UTS2B: variants seen among roughly 807,000 people sequenced by gnomAD.
UTS2B encodes the protein urotensin-2B.
A neutral mutation model predicts 19.2 loss-of-function variants in UTS2B; 21 were observed. The observed-to-expected ratio is 1.09, with a 90% CI of 0.78 to 1.58. The LOEUF (loss-of-function observed/expected upper bound fraction) is 1.58, where lower values mean the gene tolerates loss of function less well. UTS2B is among the 40% of genes most tolerant of loss of function. The pLI is 0.00. For synonymous variants in UTS2B, 57 were observed against 50.2 expected (o/e 1.14, Z -0.58); for missense variants, 138 against 130.3 (o/e 1.06, Z -0.29).
upstream of UTS2B, among the ~76,000 whole-genome samples, chr3:191,330,866 T>C (rs566544328): frequency 2.6e-5 from 4 of 152,298 alleles, no homozygotes; most frequent in East Asian, 7.7e-4. Context: ...TCACTGATTT[T>C]ATGTAGAATT....
chr3:191,272,678 T>C (rs756451707), intron 8 of UTS2B, among the ~76,000 whole-genome samples: 1 of 151,712 alleles, frequency 6.6e-6, no homozygotes, highest in Non-Finnish European at 1.5e-5. Context: ...CTGGCCAATA[T>C]GGTGAAACCT....
intron 4 of UTS2B, among the ~76,000 whole-genome samples, chr3:191,291,529 T>G (rs1210860063): frequency 6.6e-6 from 1 of 152,092 alleles, no homozygotes; most frequent in Non-Finnish European, 1.5e-5. Context: ...CTCGGCTCAC[T>G]GCAAGCTCCA....
At chr3:191,281,658 T>C (rs1028295636) in intron 5 of UTS2B, among the ~76,000 whole-genome samples, 1 of 54,606 alleles carries the variant, frequency 1.8e-5, no homozygotes, top group South Asian at 6.7e-4. Flanking sequence ...GTATTTTTCA[T>C]TGTTGTACTC....
chr3:191,288,262 T>C (rs1716611036), intron 4 of UTS2B, among the ~76,000 whole-genome samples: 1 of 152,076 alleles, frequency 6.6e-6, no homozygotes, highest in Admixed American at 6.5e-5. Context: ...TGTACAGAAA[T>C]AGAAATAAAA....
rs530173086 is a variant in UTS2B at position 191,329,951 on chromosome 3, G to T, written c.-665+463C>A. On this transcript the variant is annotated intron_variant, in intron 1 of 8. Transcript: ENST00000340524. ...TTCTCAAGGGGGTGGTTGGGGGGGG[G>T]GGGGGCTAGCAGCAGCCCCAGCAAG... is the stretch of plus-strand genomic sequence containing the variant. Among the ~76,000 whole-genome samples, 30 of 137,316 alleles carry T rather than the reference G, an allele frequency of 2.2e-4. No homozygotes were observed. In the Middle Eastern group the frequency reaches 0.011, roughly 51 times the overall value. 90.1% of individuals were successfully genotyped at this position (137,316 alleles called of 152,430 possible).
At position 191,299,787 on chromosome 3, in the gene UTS2B, C is replaced by T. The variant is rs565419811; in HGVS notation, c.-125+4705G>A. On this transcript the variant is annotated intron_variant, in intron 4 of 8. Transcript: ENST00000340524. Reference sequence around the variant, plus strand: ...AGATACACCAACAACTTGTGCCCTGCACCTGGAAGAGCCACAAGAAATCAA... The same window carrying T: ...AGATACACCAACAACTTGTGCCCTGTACCTGGAAGAGCCACAAGAAATCAA... Among the ~76,000 whole-genome samples, 17 of 152,348 alleles carry T rather than the reference C, an allele frequency of 1.1e-4. No individual in the cohort carries two copies. The South Asian group carries it at 3.3e-3, about 30-fold the overall frequency.
rs144042055 is a variant in UTS2B, at chr3:191,276,855, C to T, written c.203-11G>A. On this transcript the variant is annotated splice_polypyrimidine_tract_variant and intron_variant, in intron 6 of 8. Transcript: ENST00000340524. Reference sequence around the variant, plus strand: ...TAGGTAAGGCTAGGTCTGCAAGACACATTTGTCACATGAAAAAACGTACAT... The same window carrying T: ...TAGGTAAGGCTAGGTCTGCAAGACATATTTGTCACATGAAAAAACGTACAT... 5.6e-6 allele frequency: 9 copies of T among 1,609,142 alleles called. No homozygotes were observed. Among genetic ancestry groups the T allele is most frequent in the African/African-American group, 1.3e-5 (1 of 74,908 alleles).
chr3:191,279,926 AT>A (rs1716338745), intron 5 of UTS2B, among the ~76,000 whole-genome samples: 1 of 152,038 alleles, frequency 6.6e-6, no homozygotes, highest in South Asian at 2.1e-4. Flanking sequence ...AAACACATAT[AT>A]TTTTAATGTT....
intron 4 of UTS2B, among the ~76,000 whole-genome samples, chr3:191,283,510 C>G (rs1004802761): frequency 6.6e-6 from 1 of 152,062 alleles, no homozygotes; most frequent in Non-Finnish European, 1.5e-5. Context: ...TTCATTTCTT[C>G]TTTCATTAGT....
At chr3:191,311,693 A>G (rs1335687354) in intron 3 of UTS2B, among the ~76,000 whole-genome samples, 2 of 152,216 alleles carry the variant, frequency 1.3e-5, no homozygotes, top group Non-Finnish European at 2.9e-5. Context: ...CAATGATTTC[A>G]GTGCCTTCGT....
chr3:191,314,568 T>C lies in UTS2B; in HGVS notation c.-182+1468A>G, dbSNP rs1057042994. 3.9e-5 allele frequency among the ~76,000 whole-genome samples: 6 copies of C among 152,206 alleles called. 1 individual carries two copies. The highest frequency in any genetic ancestry group is 1.4e-4 in the African/African-American group (6 of 41,454). ...CAACCAAAATCTTTAGACTGTTTTG[T>C]ATGCTAATGATTGACTAATGACAAG... On this transcript the variant is annotated intron_variant, in intron 3 of 8. Transcript: ENST00000340524.
intron 3 of UTS2B, among the ~76,000 whole-genome samples, chr3:191,315,138 G>A (rs759271639): frequency 3.3e-5 from 5 of 151,494 alleles, no homozygotes; most frequent in Admixed American, 3.3e-4. Context: ...TCAGCCTCCC[G>A]AGTAGCTAGG....
chr3:191,276,962 A>C, intron 6 of UTS2B, 118 bp from the exon 7 acceptor site: 1 of 807,806 alleles, frequency 1.2e-6, no homozygotes. Context: ...ATGATTTGAC[A>C]TCACCCATCC....
At chr3:191,324,451 G>A (rs1018670508) in intron 2 of UTS2B, among the ~76,000 whole-genome samples, 6 of 152,164 alleles carry the variant, frequency 3.9e-5, no homozygotes, top group Admixed American at 2.6e-4. Flanking sequence ...TGGTGGGAGG[G>A]ACCTGGTGGG....
At chr3:191,299,421 G>T (rs1416133838) in intron 4 of UTS2B, among the ~76,000 whole-genome samples, 6 of 152,226 alleles carry the variant, frequency 3.9e-5, no homozygotes, top group Non-Finnish European at 2.9e-5. Flanking sequence ...AGTTGCTTCA[G>T]CTCCAGCCAC....
At chr3:191,286,001 A>C (rs1310856331) in intron 4 of UTS2B, among the ~76,000 whole-genome samples, 1 of 152,212 alleles carries the variant, frequency 6.6e-6, no homozygotes, top group Non-Finnish European at 1.5e-5. Context: ...GATAAAATAG[A>C]CTTCAAGACA....
chr3:191,280,416 T>C (rs1716354628), intron 5 of UTS2B, among the ~76,000 whole-genome samples: 1 of 152,142 alleles, frequency 6.6e-6, no homozygotes, highest in African/African-American at 2.4e-5. Flanking sequence ...CCCAACTTTG[T>C]AGTCTGTGTC....
chr3:191,319,020 T>C (rs1301004444), intron 2 of UTS2B, among the ~76,000 whole-genome samples: 1 of 152,148 alleles, frequency 6.6e-6, no homozygotes, highest in Non-Finnish European at 1.5e-5. Context: ...TTGTAGAAAT[T>C]ACCATAATAA....
chr3:191,344,537 A>G, the UTS2B span, among the ~76,000 whole-genome samples: 17 of 152,178 alleles, frequency 1.1e-4, no homozygotes, highest in African/African-American at 4.1e-4. Context: ...GATAGAACAT[A>G]TTGATTTTGG....
Sources: gnomAD v4.1 joint callset for allele counts (sites outside exome capture counted in the v4.1 genomes callset) on GRCh38, gnomAD v4.1.1 for gene constraint, MANE v1.5 for transcripts, NCBI Gene and HGNC (gene_info 2026-07-23, HGNC 2026-07-21) for gene names.